Variants in THRB observed in about 807,000 individuals in gnomAD.
THRB encodes nuclear receptor subfamily 1 group A member 2.
THRB carries 12 observed loss-of-function variants against 47.8 expected under a neutral mutation model. The ratio of observed to expected loss-of-function variants is 0.25; its 90% CI spans 0.16 to 0.41. The LOEUF is 0.41. Among genes scored for constraint, THRB ranks in the 10% least tolerant of loss-of-function variants. The pLI is 1.00. For synonymous variants in THRB, 218 were observed against 212.2 expected (o/e 1.03, Z -0.24); for missense variants, 348 against 589.2 (o/e 0.59, Z 4.24).
intron 1 of THRB, among the ~76,000 whole-genome samples, chr3:24,478,526 T>C (rs189034523): frequency 1.3e-5 from 2 of 152,198 alleles, no homozygotes; most frequent in African/African-American, 4.8e-5. Flanking sequence ...AGTGGAATTC[T>C]CCAAATTACA....
chr3:24,155,933 A>G (rs1435724596), intron 5 of THRB, among the ~76,000 whole-genome samples: 1 of 152,236 alleles, frequency 6.6e-6, no homozygotes, highest in East Asian at 1.9e-4. Context: ...ATGACAATAT[A>G]TGATAGTTCA....
At chr3:24,246,412 C>T (rs59928773) in intron 3 of THRB, among the ~76,000 whole-genome samples, 6 of 152,238 alleles carry the variant, frequency 3.9e-5, no homozygotes, top group South Asian at 4.2e-4. Context: ...ACTGGTTGTA[C>T]GGTTGCAGTT....
At position 24,330,292 on chromosome 3, in the gene THRB, C is replaced by T. The variant is rs538040039; in HGVS notation, c.-189+7008G>A. On this transcript the variant is annotated intron_variant, in intron 2 of 10. Coordinates refer to ENST00000646209, the MANE Select transcript of THRB (RefSeq NM_001354712.2). The stretch of plus-strand genomic sequence containing the variant: ...ACTGCAGTCCGCAGTCCGGCCTGGG[C>T]GACAGAGCGAGACTCCGTCTCAAAT... 7.9e-5 allele frequency among the ~76,000 whole-genome samples: 12 copies of T among 151,756 alleles called. No homozygotes were observed. The East Asian group carries it at 1.6e-3, about 20-fold the overall frequency.
At chr3:24,406,642 CAT>C (rs1156879558) in intron 1 of THRB, among the ~76,000 whole-genome samples, 24 of 151,246 alleles carry the variant, frequency 1.6e-4, no homozygotes, top group African/African-American at 4.9e-4. Context: ...GAGATAGTCA[CAT>C]GTTTTTCTAT....
At chr3:24,304,787 AAGAG>A (rs1474461620) in intron 2 of THRB, among the ~76,000 whole-genome samples, 4 of 152,190 alleles carry the variant, frequency 2.6e-5, no homozygotes, top group African/African-American at 9.7e-5. Flanking sequence ...TTAAAGGAAG[AAGAG>A]GGGGAAATAC....
At chr3:24,345,064 C>T (rs1199940241) in intron 1 of THRB, among the ~76,000 whole-genome samples, 1 of 152,074 alleles carries the variant, frequency 6.6e-6, no homozygotes, top group Non-Finnish European at 1.5e-5. Flanking sequence ...TTGTGGTTGA[C>T]AATGACTGAA....
chr3:24,383,803 G>C (rs2065882166), intron 1 of THRB, among the ~76,000 whole-genome samples: 1 of 152,110 alleles, frequency 6.6e-6, no homozygotes, highest in Non-Finnish European at 1.5e-5. Context: ...CAGTCACGTT[G>C]TCAAAGTCTT....
chr3:24,248,921 T>C (rs1354190137), intron 3 of THRB, among the ~76,000 whole-genome samples: 5 of 152,196 alleles, frequency 3.3e-5, no homozygotes, highest in Non-Finnish European at 7.4e-5. Flanking sequence ...TTTTGCTCTT[T>C]TAGTGCTTTA....
chr3:24,387,499 C>T (rs550529419), intron 1 of THRB, among the ~76,000 whole-genome samples: 1 of 152,278 alleles, frequency 6.6e-6, no homozygotes, highest in African/African-American at 2.4e-5. Context: ...AACAACACTT[C>T]TGATCACCCC....
At chr3:24,478,185 G>A (rs1695778346) in intron 1 of THRB, among the ~76,000 whole-genome samples, 1 of 152,002 alleles carries the variant, frequency 6.6e-6, no homozygotes, top group Non-Finnish European at 1.5e-5. Context: ...GTACAATACT[G>A]GGTTTTTGTA....
rs2031913443 is a variant in THRB at position 24,122,718 on chromosome 3, C to G, written c.*166G>C. ...AACGAAATGCAATAGTTTCAAGTAC[C>G]CGCATTCAAGGGGCAATTTCATCCA... On this transcript the variant is annotated 3_prime_UTR_variant, in exon 11 of 11. Coordinates refer to ENST00000646209, the MANE Select transcript of THRB (RefSeq NM_001354712.2). 3.4e-6 allele frequency: 3 copies of G among 880,494 alleles called. No individual in the cohort carries two copies. The East Asian group carries it at 7.6e-5, about 22-fold the overall frequency. The allele number at this position is 880,494 out of a possible 1,614,324, so 54.5% of individuals were successfully genotyped here.
At chr3:24,203,179 G>A (rs768872760) in intron 4 of THRB, among the ~76,000 whole-genome samples, 26 of 152,192 alleles carry the variant, frequency 1.7e-4, no homozygotes, top group Non-Finnish European at 2.2e-4. Context: ...TTGGGAGGCT[G>A]CAGTGGGTGG....
At chr3:24,260,440 G>T (rs900758792) in intron 3 of THRB, among the ~76,000 whole-genome samples, 2 of 152,160 alleles carry the variant, frequency 1.3e-5, no homozygotes, top group East Asian at 3.8e-4. Flanking sequence ...TCAGGAAATG[G>T]TACAATTTCC....
chr3:24,475,188 G>A (rs1695264279), intron 1 of THRB, among the ~76,000 whole-genome samples: 1 of 151,764 alleles, frequency 6.6e-6, no homozygotes, highest in Admixed American at 6.6e-5. Context: ...TTTTTCAAGT[G>A]AGCAAAAAAT....
chr3:24,431,261 T>TCTCTAC (rs767685100), intron 1 of THRB, among the ~76,000 whole-genome samples: 87 of 135,792 alleles, frequency 6.4e-4, no homozygotes, highest in Middle Eastern at 3.5e-3. Flanking sequence ...TCTCTCTCTC[T>TCTCTAC]ACACACACAC....
chr3:24,178,498 T>C (rs1323773809), intron 5 of THRB, among the ~76,000 whole-genome samples: 1 of 152,036 alleles, frequency 6.6e-6, no homozygotes, highest in Non-Finnish European at 1.5e-5. Flanking sequence ...CTAAAAAAAA[T>C]CATGAGGAAA....
chr3:24,307,773 T>C (rs1393052103), intron 2 of THRB, among the ~76,000 whole-genome samples: 1 of 152,224 alleles, frequency 6.6e-6, no homozygotes, highest in Non-Finnish European at 1.5e-5. Context: ...TAAAGGGTCC[T>C]TCAAGAATTT....
chr3:24,401,540 A>G (rs528775602), intron 1 of THRB, among the ~76,000 whole-genome samples: 1 of 152,046 alleles, frequency 6.6e-6, no homozygotes, highest in Non-Finnish European at 1.5e-5. Context: ...GATTACCACT[A>G]CTACTAGCAA....
chr3:24,161,750 C>G (rs2038870888), intron 5 of THRB, among the ~76,000 whole-genome samples: 1 of 151,758 alleles, frequency 6.6e-6, no homozygotes, highest in Non-Finnish European at 1.5e-5. Context: ...AATTTTTATT[C>G]CTGCACAATT....
Sources: allele counts gnomAD v4.1 joint callset (sites outside exome capture counted in the v4.1 genomes callset), GRCh38; gene constraint gnomAD v4.1.1; transcripts MANE v1.5; gene names NCBI Gene and HGNC (gene_info 2026-07-23, HGNC 2026-07-21).